Variants in CTNNBL1 observed in about 807,000 individuals in gnomAD.
CTNNBL1 encodes beta-catenin-like protein 1.
CTNNBL1 carries 31 observed loss-of-function variants against 72.7 expected under a neutral mutation model. That is an observed-to-expected ratio of 0.43 (90% CI 0.32 to 0.58). CTNNBL1 has a LOEUF of 0.58. Ranked by LOEUF, CTNNBL1 falls within the 20% of genes least tolerant of loss-of-function variation. CTNNBL1 has a pLI of 0.08. For synonymous variants in CTNNBL1, 240 were observed against 267.3 expected, an observed-to-expected ratio of 0.90 and a Z score of 1.00; for missense variants, 534 against 725.1, an observed-to-expected ratio of 0.74 and a Z score of 3.03.
intron 13 of CTNNBL1, among the ~76,000 whole-genome samples, chr20:37,857,419 G>T (rs779883117): frequency 6.6e-6 from 1 of 152,136 alleles, no homozygotes; most frequent in African/African-American, 2.4e-5. Flanking sequence ...CACCCCCCAG[G>T]CCAAAGCTCT....
intron 11 of CTNNBL1, among the ~76,000 whole-genome samples, chr20:37,837,244 G>A (rs543029918): frequency 6.0e-4 from 91 of 152,126 alleles, no homozygotes; most frequent in African/African-American, 2.0e-3. Context: ...TCCTTACCCT[G>A]GGTTCATGGG....
chr20:37,863,587 G>A (rs1351794947), intron 15 of CTNNBL1, among the ~76,000 whole-genome samples: 1 of 152,158 alleles, frequency 6.6e-6, no homozygotes, highest in Non-Finnish European at 1.5e-5. Flanking sequence ...CAGTGGCCTT[G>A]GGGAGGACTA....
At chr20:37,817,431 A>G (rs529654558) in intron 11 of CTNNBL1, among the ~76,000 whole-genome samples, 63 of 152,360 alleles carry the variant, frequency 4.1e-4, no homozygotes, top group Non-Finnish European at 5.1e-4. Context: ...TTTTTAAAAT[A>G]TATTTCATAC....
intron 1 of CTNNBL1, among the ~76,000 whole-genome samples, chr20:37,722,168 C>T (rs115449153): frequency 0.03 from 4,632 of 152,172 alleles, 223 homozygotes; most frequent in African/African-American, 0.1. Context: ...TTGTCAAAAG[C>T]TGGCTTTAAG....
chr20:37,835,185 A>G (rs540861906), intron 11 of CTNNBL1, among the ~76,000 whole-genome samples: 70 of 152,342 alleles, frequency 4.6e-4, no homozygotes, highest in African/African-American at 8.2e-4. Context: ...GGGATACCCA[A>G]ATCGTTGGCA....
intron 11 of CTNNBL1, among the ~76,000 whole-genome samples, chr20:37,834,596 A>G (rs2072238780): frequency 6.6e-6 from 1 of 152,150 alleles, no homozygotes; most frequent in Non-Finnish European, 1.5e-5. Flanking sequence ...GGTCTCATTT[A>G]CCTTCCTTCT....
intron 2 of CTNNBL1, among the ~76,000 whole-genome samples, chr20:37,735,887 T>A (rs1035445153): frequency 6.6e-6 from 1 of 152,192 alleles, no homozygotes; most frequent in Admixed American, 6.5e-5. Context: ...TGAGTTATGG[T>A]CAATGACTAC....
chr20:37,730,417 A>G (rs1175471588), intron 1 of CTNNBL1, among the ~76,000 whole-genome samples: 1 of 152,254 alleles, frequency 6.6e-6, no homozygotes, highest in Non-Finnish European at 1.5e-5. Context: ...GTTTAGTACC[A>G]TTATGGTTTA....
intron 11 of CTNNBL1, among the ~76,000 whole-genome samples, chr20:37,823,863 G>T (rs2072133269): frequency 6.6e-6 from 1 of 152,214 alleles, no homozygotes; most frequent in African/African-American, 2.4e-5. Context: ...AGCCTTGGGT[G>T]TGTGGCTCCA....
At chr20:37,777,770 AGG>A in intron 9 of CTNNBL1, 58 bp downstream of exon 9, 2 of 1,544,740 alleles carry the variant, frequency 1.3e-6, no homozygotes, top group Non-Finnish European at 1.8e-6. Flanking sequence ...TTTGAATGGG[AGG>A]TGGAGCTGGA....
intron 10 of CTNNBL1, among the ~76,000 whole-genome samples, chr20:37,794,022 A>T (rs1355137732): frequency 2.0e-5 from 3 of 151,286 alleles, no homozygotes; most frequent in African/African-American, 7.3e-5. Flanking sequence ...CTTGTGATCC[A>T]CCTGCCTTGG....
intron 11 of CTNNBL1, among the ~76,000 whole-genome samples, chr20:37,839,109 CA>C (rs1164934720): frequency 6.6e-6 from 1 of 152,176 alleles, no homozygotes; most frequent in African/African-American, 2.4e-5. Context: ...ATAACTCCAA[CA>C]TTAAGAAATT....
chr20:37,770,003 C>T (rs1188232930), intron 7 of CTNNBL1, among the ~76,000 whole-genome samples: 1 of 152,226 alleles, frequency 6.6e-6, no homozygotes, highest in Non-Finnish European at 1.5e-5. Context: ...ATTTACATAA[C>T]ATATTGGCCC....
At chr20:37,726,218 A>G (rs2073083421) in intron 1 of CTNNBL1, among the ~76,000 whole-genome samples, 2 of 152,202 alleles carry the variant, frequency 1.3e-5, no homozygotes, top group African/African-American at 4.8e-5. Flanking sequence ...CAGGTTAGGA[A>G]TCATTAACTC....
At chr20:37,825,994 G>A (rs889241390) in intron 11 of CTNNBL1, among the ~76,000 whole-genome samples, 1 of 152,164 alleles carries the variant, frequency 6.6e-6, no homozygotes, top group Non-Finnish European at 1.5e-5. Context: ...TACACACATC[G>A]CAAGCACTGA....
intron 11 of CTNNBL1, among the ~76,000 whole-genome samples, chr20:37,808,022 A>G (rs1034680722): frequency 6.6e-6 from 1 of 152,178 alleles, no homozygotes; most frequent in African/African-American, 2.4e-5. Context: ...TTGAGTTTGT[A>G]GCAGTTCTAG....
intron 13 of CTNNBL1, among the ~76,000 whole-genome samples, chr20:37,848,044 C>A (rs983644468): frequency 2.0e-5 from 3 of 151,426 alleles, no homozygotes; most frequent in African/African-American, 7.3e-5. Flanking sequence ...TGAAACTGTG[C>A]GGCTGCCATC....
At chr20:37,718,795 G>A (rs1490839651) in intron 1 of CTNNBL1, among the ~76,000 whole-genome samples, 1 of 152,234 alleles carries the variant, frequency 6.6e-6, no homozygotes, top group East Asian at 1.9e-4. Context: ...AGCAGCACAG[G>A]GATTTTAGTG....
intron 13 of CTNNBL1, among the ~76,000 whole-genome samples, chr20:37,854,854 G>T (rs1448435037): frequency 6.6e-6 from 1 of 151,916 alleles, no homozygotes; most frequent in Non-Finnish European, 1.5e-5. Context: ...CTCCCAAAGT[G>T]CTAGGATTAC....
Sources: gnomAD v4.1 joint callset for allele counts (sites outside exome capture counted in the v4.1 genomes callset) on GRCh38, gnomAD v4.1.1 for gene constraint, MANE v1.5 for transcripts, NCBI Gene and HGNC (gene_info 2026-07-23, HGNC 2026-07-21) for gene names.